Variants in CLNK observed in about 807,000 individuals in gnomAD.
CLNK encodes cytokine dependent hematopoietic cell linker, also known as cytokine-dependent hematopoietic cell linker.
CLNK carries 74 observed loss-of-function variants against 68.6 expected under a neutral mutation model. That is an observed-to-expected ratio of 1.08 (90% confidence interval 0.89 to 1.31). The LOEUF is 1.31. CLNK is among the 50% of genes most tolerant of loss of function. The probability of loss-of-function intolerance (pLI) is 0.00; values close to 1 mark genes in which losing one functional copy is unlikely to be tolerated. For synonymous variants in CLNK, 198 were observed against 172.2 expected (o/e 1.15, Z -1.17); for missense variants, 553 against 515.3 (o/e 1.07, Z -0.71).
At chr4:10,527,466 G>A (rs1718363333) in intron 13 of CLNK, among the ~76,000 whole-genome samples, 1 of 152,242 alleles carries the variant, frequency 6.6e-6, no homozygotes, top group African/African-American at 2.4e-5. Context: ...ATGTTGCTCT[G>A]TTGAACGATG....
At chr4:10,670,004 G>T (rs948568405) in intron 1 of CLNK, among the ~76,000 whole-genome samples, 2 of 152,204 alleles carry the variant, frequency 1.3e-5, no homozygotes, top group Non-Finnish European at 2.9e-5. Flanking sequence ...CCTCTGTTCA[G>T]TTCCAGTGCT....
At chr4:10,505,621 A>G (rs1387085019) in intron 17 of CLNK, among the ~76,000 whole-genome samples, 2 of 152,188 alleles carry the variant, frequency 1.3e-5, no homozygotes, top group South Asian at 2.1e-4. Context: ...CTGGAGGCCA[A>G]CAAGATCCCT....
chr4:10,667,948 C>A, intron 1 of CLNK, 37 bp from the exon 2 acceptor site: 1 of 1,220,602 alleles, frequency 8.2e-7, no homozygotes, highest in African/African-American at 1.5e-5. Context: ...CTGGAACTTC[C>A]ACATCATGTT....
intron 4 of CLNK, among the ~76,000 whole-genome samples, chr4:10,580,932 A>C (rs947032486): frequency 2.6e-5 from 4 of 152,208 alleles, no homozygotes; most frequent in Non-Finnish European, 5.9e-5. Context: ...AAGCCTTCGC[A>C]TTCACTCACC....
At chr4:10,666,516 A>G (rs1407456888) in intron 2 of CLNK, among the ~76,000 whole-genome samples, 1 of 152,222 alleles carries the variant, frequency 6.6e-6, no homozygotes. Flanking sequence ...TAATGGAAGG[A>G]GCACTGAACT....
chr4:10,630,161 C>T (rs1401770620), intron 2 of CLNK, among the ~76,000 whole-genome samples: 4 of 152,224 alleles, frequency 2.6e-5, no homozygotes, highest in Admixed American at 2.6e-4. Context: ...CTTGTGGACA[C>T]TGATGAAATA....
the CLNK span, among the ~76,000 whole-genome samples, chr4:10,710,644 T>C: frequency 1.3e-5 from 2 of 152,208 alleles, no homozygotes; most frequent in Admixed American, 6.5e-5. Context: ...GGAACTTGAT[T>C]GGAAATGGAG....
chr4:10,634,911 G>T (rs1309405078), intron 2 of CLNK, among the ~76,000 whole-genome samples: 2 of 152,158 alleles, frequency 1.3e-5, no homozygotes, highest in African/African-American at 2.4e-5. Flanking sequence ...AGAGAGAAAA[G>T]GCCTCTCCCC....
At chr4:10,566,804 T>A (rs1205951644) in intron 5 of CLNK, among the ~76,000 whole-genome samples, 1 of 151,968 alleles carries the variant, frequency 6.6e-6, no homozygotes, top group African/African-American at 2.4e-5. Flanking sequence ...GGCAACAGAG[T>A]GAGACCTCAT....
the CLNK span, among the ~76,000 whole-genome samples, chr4:10,726,721 A>T: frequency 6.6e-6 from 1 of 152,132 alleles, no homozygotes; most frequent in Non-Finnish European, 1.5e-5. Flanking sequence ...TGAAGCCCAG[A>T]GGTTTTAGGG....
chr4:10,603,966 AAAG>A (rs1207730670), intron 2 of CLNK, among the ~76,000 whole-genome samples: 6 of 152,320 alleles, frequency 3.9e-5, no homozygotes, highest in African/African-American at 1.4e-4. Context: ...GAAGGAGCAG[AAAG>A]AAGGAGAAAG....
chr4:10,501,938 C>T (rs934627989), intron 17 of CLNK, among the ~76,000 whole-genome samples: 2 of 152,028 alleles, frequency 1.3e-5, no homozygotes, highest in African/African-American at 2.4e-5. Flanking sequence ...AAAACAAAAA[C>T]AAAAAGAAAA....
At chr4:10,664,967 G>T (rs1475692767) in intron 2 of CLNK, among the ~76,000 whole-genome samples, 1 of 152,230 alleles carries the variant, frequency 6.6e-6, no homozygotes, top group Non-Finnish European at 1.5e-5. Context: ...TGACTGGCCT[G>T]AGGGTGCACA....
chr4:10,650,921 C>T (rs184060599), intron 2 of CLNK, among the ~76,000 whole-genome samples: 5 of 152,148 alleles, frequency 3.3e-5, no homozygotes, highest in African/African-American at 9.6e-5. Context: ...CAAAAGAAGA[C>T]ATTTATGCGG....
At chr4:10,593,452 C>T (rs1468257958) in intron 3 of CLNK, among the ~76,000 whole-genome samples, 2 of 151,974 alleles carry the variant, frequency 1.3e-5, no homozygotes, top group East Asian at 1.9e-4. Flanking sequence ...GTCAGGAGTT[C>T]GAGACCAGCC....
chr4:10,680,225 G>T (rs889830199), intron 1 of CLNK, among the ~76,000 whole-genome samples: 1 of 151,962 alleles, frequency 6.6e-6, no homozygotes, highest in Non-Finnish European at 1.5e-5. Flanking sequence ...TAGGGACATG[G>T]ATGAAGCTGG....
intron 2 of CLNK, among the ~76,000 whole-genome samples, chr4:10,653,241 A>T (rs1028027660): frequency 5.9e-5 from 9 of 152,142 alleles, no homozygotes; most frequent in Admixed American, 1.3e-4. Context: ...CCCAATGTAG[A>T]TGACAGGTTG....
chr4:10,505,856 A>G (rs1448644434), intron 17 of CLNK, among the ~76,000 whole-genome samples: 2 of 152,174 alleles, frequency 1.3e-5, no homozygotes, highest in Non-Finnish European at 2.9e-5. Flanking sequence ...TTAGAATGTG[A>G]ACATCTTTGG....
chr4:10,545,717 C>T (rs1322552382), intron 8 of CLNK, among the ~76,000 whole-genome samples: 1 of 152,182 alleles, frequency 6.6e-6, no homozygotes, highest in Non-Finnish European at 1.5e-5. Flanking sequence ...TGTCTCCACT[C>T]CTGTGACAAG....
Sources: gnomAD v4.1 joint callset for allele counts (sites outside exome capture counted in the v4.1 genomes callset) on GRCh38, gnomAD v4.1.1 for gene constraint, MANE v1.5 for transcripts, NCBI Gene and HGNC (gene_info 2026-07-23, HGNC 2026-07-21) for gene names.